CIT: variants seen among roughly 807,000 people sequenced by gnomAD.
The protein encoded by CIT is citron Rho-interacting kinase.
A neutral mutation model predicts 272.7 loss-of-function variants in CIT; 79 were observed. The ratio of observed to expected loss-of-function variants is 0.29; its 90% CI spans 0.24 to 0.35. CIT has a LOEUF of 0.35. CIT is among the 10% of genes least tolerant of loss of function. The pLI, the probability that CIT is intolerant of heterozygous loss-of-function variation, is 1.00. For synonymous variants in CIT, 948 were observed against 995.6 expected (o/e 0.95, Z 0.90); for missense variants, 1,909 against 2,618.3 (o/e 0.73, Z 5.91).
In CIT at chr12:119,776,237, G is replaced by C; in HGVS notation, c.1887+121C>G. 5 of 789,046 alleles carry C rather than the reference G, an allele frequency of 6.3e-6. No individual in the cohort carries two copies. The South Asian group carries it at 6.4e-5, about 10-fold the overall frequency. 48.9% of individuals were successfully genotyped at this position (789,046 alleles called of 1,614,324 possible). On this transcript the variant is annotated intron_variant, in intron 15 of 47. Transcript: ENST00000392521. ...AAGGTGGACTATCAAAATAAGCCTC[G>C]AAGAGAGGTCTCTATTCATTGATGA...
In CIT at chr12:119,718,555, G is replaced by T; in HGVS notation, c.4003+144C>A. On this transcript the variant is annotated intron_variant, in intron 31 of 47. Transcript: ENST00000392521. This position sits in a 1 kb window ranked among gnomAD's most constrained non-coding sequence, Gnocchi z 4.8. Reference sequence around the variant, plus strand: ...ACTTGGCAATGCACAGGGGCCATACGTTTTTCAGACATGGGATGTCTGGTC... The same window carrying T: ...ACTTGGCAATGCACAGGGGCCATACTTTTTTCAGACATGGGATGTCTGGTC... 1 of 1,407,682 alleles carries T rather than the reference G, an allele frequency of 7.1e-7. No individual in the cohort carries two copies. The highest frequency in any genetic ancestry group is 9.7e-7 in the Non-Finnish European group (1 of 1,027,414). 87.2% of individuals were successfully genotyped at this position (1,407,682 alleles called of 1,614,324 possible). A position where few individuals can be genotyped will look rare whatever the true frequency, so the allele number is the denominator to read the frequency against.
chr12:119,787,506 C>T (rs998787115), intron 10 of CIT, among the ~76,000 whole-genome samples: 10 of 151,254 alleles, frequency 6.6e-5, no homozygotes, highest in African/African-American at 9.7e-5. Context: ...CCGAGGCAAG[C>T]GGATCACGAG....
At chr12:119,867,284 G>A (rs1950543757) in intron 3 of CIT, among the ~76,000 whole-genome samples, 1 of 151,968 alleles carries the variant, frequency 6.6e-6, no homozygotes, top group Non-Finnish European at 1.5e-5. Flanking sequence ...CACCTCCCAG[G>A]TTCAAGCGAT....
chr12:119,705,076 C>A (rs1956803697), intron 40 of CIT, among the ~76,000 whole-genome samples: 1 of 152,046 alleles, frequency 6.6e-6, no homozygotes, highest in African/African-American at 2.4e-5. Flanking sequence ...CCATGCCTGG[C>A]CAATTTTTGT....
chr12:119,871,789 A>T (rs1348526703), intron 2 of CIT, among the ~76,000 whole-genome samples: 2 of 152,190 alleles, frequency 1.3e-5, no homozygotes, highest in Non-Finnish European at 2.9e-5. Context: ...CCCAAGAAGT[A>T]AAGGCTGCAG....
intron 44 of CIT, chr12:119,700,030 T>C (rs2136973623): frequency 2.4e-6 from 1 of 412,450 alleles, no homozygotes; most frequent in Admixed American, 2.6e-5. Flanking sequence ...TTCATCGTAG[T>C]GTTGTTTACA....
At chr12:119,850,666 TA>T (rs1970164892) in intron 4 of CIT, among the ~76,000 whole-genome samples, 1 of 152,240 alleles carries the variant, frequency 6.6e-6, no homozygotes, top group Non-Finnish European at 1.5e-5. Context: ...TACCTTTCTT[TA>T]AATGTAAATA....
At chr12:119,857,819 C>G in intron 3 of CIT, 121 bp from the exon 4 acceptor site, 1 of 860,986 alleles carries the variant, frequency 1.2e-6, no homozygotes, top group Non-Finnish European at 1.8e-6. Context: ...CAAAGACATT[C>G]ACTTTCTCAT....
chr12:119,782,442 C>T (rs1000089869), intron 13 of CIT, 76 bp downstream of exon 13: 2 of 1,551,346 alleles, frequency 1.3e-6, no homozygotes, highest in African/African-American at 2.7e-5. Context: ...CTATTTCTCT[C>T]TCAAACACGC....
intron 24 of CIT, 22 bp downstream of exon 24, chr12:119,742,389 T>C: frequency 6.4e-7 from 1 of 1,571,872 alleles, no homozygotes. Flanking sequence ...ATTTTAATCG[T>C]CTTTGGGTAA....
intron 23 of CIT, among the ~76,000 whole-genome samples, chr12:119,744,403 TAAAAAA>T (rs764573407): frequency 1.4e-5 from 2 of 137,962 alleles, no homozygotes; most frequent in Non-Finnish European, 3.2e-5. Context: ...TATTTAATTA[TAAAAAA>T]AAAAAAAGTC....
intron 44 of CIT, among the ~76,000 whole-genome samples, chr12:119,699,346 C>CT (rs1250277287): frequency 2.1e-5 from 3 of 139,700 alleles, no homozygotes; most frequent in Non-Finnish European, 2.9e-5. Flanking sequence ...TCTTAATACT[C>CT]TATCTCTGCA....
chr12:119,694,582 T>C lies in CIT; in HGVS notation c.5882+3077A>G, dbSNP rs916385539. 2.6e-5 allele frequency among the ~76,000 whole-genome samples: 4 copies of C among 151,914 alleles called. No homozygotes were observed. Among genetic ancestry groups the C allele is most frequent in the Non-Finnish European group, 5.9e-5 (4 of 67,980 alleles). ...ACTTTGGGGGGCCAGGGCAGGCAAA[T>C]TGCTTGAGCCCAGGAGTTCAAGACC... is the stretch of plus-strand genomic sequence containing the variant. On this transcript the variant is annotated intron_variant, in intron 46 of 47. Coordinates refer to ENST00000392521, the MANE Select transcript of CIT (RefSeq NM_001206999.2). This position sits in a 1 kb window ranked among gnomAD's most constrained non-coding sequence, Gnocchi z 4.5.
At chr12:119,828,323 A>G (rs1968331445) in intron 7 of CIT, among the ~76,000 whole-genome samples, 1 of 152,216 alleles carries the variant, frequency 6.6e-6, no homozygotes, top group East Asian at 1.9e-4. Flanking sequence ...GTAATTAACA[A>G]ACATTTTTAA....
At chr12:119,849,371 G>A (rs933786435) in intron 5 of CIT, among the ~76,000 whole-genome samples, 3 of 151,886 alleles carry the variant, frequency 2.0e-5, no homozygotes, top group African/African-American at 7.2e-5. Flanking sequence ...AGATTGCAGT[G>A]AGCCGAGATA....
Position 119,834,178 on chromosome 12 carries a change from A to G in CIT, c.567T>C (p.Tyr189=), listed in dbSNP as rs753497193. The change falls in exon 6 of 48, where the codon TAT becomes TAC. Residue 189 remains tyrosine (Y), a synonymous_variant. Transcript: ENST00000392521. The stretch of plus-strand genomic sequence containing the variant: ...TCAGGTTTTCATCTAACTGGTCCTC[A>G]TATCTATTCAAAAGTGACAGCAAGT... ...GGDLLSLLNR[Y]EDQLDENLIQ... The G allele has an allele frequency of 1.9e-6, 3 of 1,613,938 alleles. No homozygotes were observed. Among genetic ancestry groups the G allele is most frequent in the East Asian group, 2.2e-5 (1 of 44,886 alleles).
intron 9 of CIT, among the ~76,000 whole-genome samples, chr12:119,811,326 A>C (rs1966845919): frequency 6.6e-6 from 1 of 152,222 alleles, no homozygotes; most frequent in African/African-American, 2.4e-5. Flanking sequence ...AAGGTAGTTC[A>C]AAAAGAAGAC....
At chr12:119,778,123 G>A (rs980023890) in intron 13 of CIT, among the ~76,000 whole-genome samples, 2 of 152,084 alleles carry the variant, frequency 1.3e-5, no homozygotes, top group Admixed American at 6.5e-5. Flanking sequence ...CACTGGCTTC[G>A]GTCAAAATAA....
At chr12:119,865,538 G>A (rs1950488820) in intron 3 of CIT, among the ~76,000 whole-genome samples, 1 of 152,174 alleles carries the variant, frequency 6.6e-6, no homozygotes, top group Non-Finnish European at 1.5e-5. Context: ...TCTGGTCTGT[G>A]CATTAACTCA....
Sources: gnomAD v4.1 joint callset for allele counts (sites outside exome capture counted in the v4.1 genomes callset) on GRCh38, gnomAD v4.1.1 for gene constraint, Gnocchi (gnomAD v3.1) non-coding constraint, MANE v1.5 for transcripts, NCBI Gene and HGNC (gene_info 2026-07-23, HGNC 2026-07-21) for gene names.